ITGBL1: variants seen among roughly 807,000 people sequenced by gnomAD.
The protein encoded by ITGBL1 is integrin beta-like protein 1.
Under a neutral mutation model 68.5 loss-of-function variants are expected in ITGBL1, and 51 were observed. The observed-to-expected ratio is 0.74, with a 90% CI of 0.59 to 0.94. The LOEUF is 0.94. Ranked by LOEUF, ITGBL1 falls within the 40% of genes least tolerant of loss-of-function variation. ITGBL1 has a pLI of 0.00. For missense variants in ITGBL1, 649 were observed against 647.4 expected, an observed-to-expected ratio of 1.00 and a Z score of -0.03; for synonymous variants, 209 against 227.3, an observed-to-expected ratio of 0.92 and a Z score of 0.72.
chr13:101,561,492 A>G (rs9518445), intron 2 of ITGBL1, among the ~76,000 whole-genome samples: 119,909 of 152,122 alleles, frequency 0.79, 47,255 homozygotes, highest in African/African-American at 0.81. Flanking sequence ...ATGAAAGCTC[A>G]ACATAGATAA....
chr13:101,624,720 C>A (rs2031710696), intron 7 of ITGBL1, among the ~76,000 whole-genome samples: 1 of 152,154 alleles, frequency 6.6e-6, no homozygotes, highest in African/African-American at 2.4e-5. Context: ...GTCCCTGCAA[C>A]CAGCTGGAGC....
intron 7 of ITGBL1, among the ~76,000 whole-genome samples, chr13:101,664,293 C>T (rs1194639691): frequency 6.6e-6 from 1 of 152,118 alleles, no homozygotes; most frequent in East Asian, 1.9e-4. Context: ...CAGATAGCAT[C>T]ATCCAATTAG....
At chr13:101,544,836 C>G (rs2049788549) in intron 2 of ITGBL1, among the ~76,000 whole-genome samples, 1 of 152,166 alleles carries the variant, frequency 6.6e-6, no homozygotes, top group Admixed American at 6.5e-5. Flanking sequence ...GCTCCATGGT[C>G]ATAGGACCCT....
chr13:101,494,740 T>C (rs1437880344), intron 2 of ITGBL1, among the ~76,000 whole-genome samples: 1 of 152,232 alleles, frequency 6.6e-6, no homozygotes, highest in Non-Finnish European at 1.5e-5. Context: ...GGAAATATGA[T>C]GAACAATCGA....
chr13:101,690,817 T>G (rs1397175202), intron 7 of ITGBL1, among the ~76,000 whole-genome samples: 1 of 152,158 alleles, frequency 6.6e-6, no homozygotes, highest in African/African-American at 2.4e-5. Flanking sequence ...AAAAAAAATG[T>G]GTATTGGTAT....
intron 2 of ITGBL1, among the ~76,000 whole-genome samples, chr13:101,535,229 T>G (rs1384371137): frequency 1.3e-5 from 2 of 152,072 alleles, no homozygotes; most frequent in African/African-American, 4.8e-5. Flanking sequence ...ATCTTAAGTA[T>G]GTTTTTATTA....
chr13:101,720,730 T>TAA (rs2034919764), downstream of ITGBL1: 1 of 149,806 alleles, frequency 6.7e-6, no homozygotes. Flanking sequence ...TAATATATTT[T>TAA]AACTGTTCCT....
chr13:101,673,294 T>C (rs2033422159), intron 7 of ITGBL1, among the ~76,000 whole-genome samples: 2 of 152,220 alleles, frequency 1.3e-5, no homozygotes, highest in Admixed American at 1.3e-4. Flanking sequence ...ATGCCCATCC[T>C]AAATATTTAC....
At chr13:101,471,897 A>G (rs2048466515) in intron 2 of ITGBL1, among the ~76,000 whole-genome samples, 1 of 152,238 alleles carries the variant, frequency 6.6e-6, no homozygotes, top group Non-Finnish European at 1.5e-5. Context: ...TAGGATTTAG[A>G]AGGGATATTC....
In ITGBL1 at chr13:101,452,843, C is replaced by G. The variant is rs781700312; in HGVS notation, c.10C>G (p.Pro4Ala). 1 of 1,614,024 alleles carries G rather than the reference C, an allele frequency of 6.2e-7. No homozygotes were observed. The highest frequency in any genetic ancestry group is 8.5e-7 in the Non-Finnish European group (1 of 1,179,932). ...AGCCCAGGAGCTCAGCATGCGTCCC[C>G]CAGGCTTCAGGAACTTCTTGCTGCT... is the stretch of plus-strand genomic sequence containing the variant. MRP[P>A]GFRNFLLLAS... The change falls in exon 1 of 11, where the codon CCA becomes GCA. Residue 4 changes from proline (P) to alanine (A), a missense_variant. By Grantham distance (27) the Pro-to-Ala change is conservative. Transcript: ENST00000376180.
intron 2 of ITGBL1, among the ~76,000 whole-genome samples, chr13:101,480,527 G>T (rs1365083015): frequency 6.6e-6 from 1 of 151,578 alleles, no homozygotes; most frequent in South Asian, 2.1e-4. Flanking sequence ...AATACAATTG[G>T]AATGTTTGTA....
chr13:101,715,478 T>C, intron 10 of ITGBL1, 85 bp from the exon 11 acceptor site: 1 of 905,612 alleles, frequency 1.1e-6, no homozygotes, highest in Non-Finnish European at 1.8e-6. Context: ...ATGATTTCAT[T>C]GTGGACACTT....
intron 7 of ITGBL1, among the ~76,000 whole-genome samples, chr13:101,625,647 G>T (rs2139397084): frequency 6.6e-6 from 1 of 152,096 alleles, no homozygotes; most frequent in African/African-American, 2.4e-5. Flanking sequence ...CTGTCTCCTG[G>T]GTTCAAGCGA....
chr13:101,685,431 G>T (rs1321882950), intron 7 of ITGBL1, among the ~76,000 whole-genome samples: 1 of 151,944 alleles, frequency 6.6e-6, no homozygotes, highest in African/African-American at 2.4e-5. Context: ...AAATGCATTT[G>T]TAATTTTTAA....
At chr13:101,473,990 T>C (rs1342889955) in intron 2 of ITGBL1, among the ~76,000 whole-genome samples, 1 of 152,168 alleles carries the variant, frequency 6.6e-6, no homozygotes, top group African/African-American at 2.4e-5. Flanking sequence ...CCATGCTAGA[T>C]TCAGGTGTGA....
intron 7 of ITGBL1, among the ~76,000 whole-genome samples, chr13:101,630,509 C>T (rs1362687262): frequency 6.6e-6 from 1 of 152,036 alleles, no homozygotes; most frequent in Admixed American, 6.6e-5. Flanking sequence ...CACATTGAGA[C>T]CTGGTTTTAG....
At chr13:101,595,502 CAAA>C (rs137872832) in intron 6 of ITGBL1, among the ~76,000 whole-genome samples, 1 of 151,334 alleles carries the variant, frequency 6.6e-6, no homozygotes. Context: ...AACTCAATAG[CAAA>C]AAAAATCAAA....
intron 2 of ITGBL1, among the ~76,000 whole-genome samples, chr13:101,460,837 A>G (rs1334139744): frequency 6.6e-6 from 1 of 152,170 alleles, no homozygotes; most frequent in African/African-American, 2.4e-5. Flanking sequence ...CTGTCCTGTG[A>G]ACAAATAGAG....
At position 101,461,934 on chromosome 13, in the gene ITGBL1, G is replaced by A. The variant is rs531345662; in HGVS notation, c.316+7834G>A. 2.0e-5 allele frequency among the ~76,000 whole-genome samples: 3 copies of A among 152,302 alleles called. No individual in the cohort carries two copies. In the East Asian group the frequency reaches 5.8e-4, roughly 29 times the overall value. On this transcript the variant is annotated intron_variant, in intron 2 of 10. Coordinates refer to ENST00000376180, the MANE Select transcript of ITGBL1 (RefSeq NM_004791.3). ...AAGGTCCCCTGACATGGGACTTCCAGGGCCAAGGTGTTGATAGCCTCTGTT... is the reference window on the plus strand; with the variant it reads ...AAGGTCCCCTGACATGGGACTTCCAAGGCCAAGGTGTTGATAGCCTCTGTT...
Sources: allele counts gnomAD v4.1 joint callset (sites outside exome capture counted in the v4.1 genomes callset), GRCh38; gene constraint gnomAD v4.1.1; transcripts MANE v1.5; gene names NCBI Gene and HGNC (gene_info 2026-07-23, HGNC 2026-07-21).